The following RIMS1 variants were observed in gnomAD, a reference collection of about 807,000 sequenced individuals.
The protein encoded by RIMS1 is regulating synaptic membrane exocytosis 1.
A neutral mutation model predicts 214.1 loss-of-function variants in RIMS1; 83 were observed. That is an observed-to-expected ratio of 0.39 (90% confidence interval 0.32 to 0.47). The LOEUF is 0.47. RIMS1 is among the 20% of genes least tolerant of loss of function. RIMS1 has a pLI of 0.99. For missense variants in RIMS1, 2,050 were observed against 2,161.8 expected (o/e 0.95, Z 1.03); for synonymous variants, 793 against 786.8 (o/e 1.01, Z -0.13).
At chr6:72,305,214 G>T (rs1563823945) in intron 26 of RIMS1, among the ~76,000 whole-genome samples, 1 of 152,006 alleles carries the variant, frequency 6.6e-6, no homozygotes, top group South Asian at 2.1e-4. Flanking sequence ...TCAGTCCCTA[G>T]ATCTGTGTCA....
chr6:72,335,750 A>G (rs1174444378), intron 29 of RIMS1, among the ~76,000 whole-genome samples: 1 of 151,784 alleles, frequency 6.6e-6, no homozygotes. Context: ...TCCTGACTTT[A>G]TAATGATTGC....
intron 5 of RIMS1, among the ~76,000 whole-genome samples, chr6:72,181,329 A>G (rs945208278): frequency 1.3e-5 from 2 of 152,220 alleles, no homozygotes; most frequent in Non-Finnish European, 2.9e-5. Flanking sequence ...TGGAGAAAGG[A>G]TAGAAAGGAC....
chr6:72,139,984 C>G (rs902828571), intron 4 of RIMS1, among the ~76,000 whole-genome samples: 1 of 152,208 alleles, frequency 6.6e-6, no homozygotes, highest in East Asian at 1.9e-4. Flanking sequence ...AAGTTAATTT[C>G]TTTGTATTTA....
At chr6:72,300,735 C>G (rs1476139605) in intron 26 of RIMS1, among the ~76,000 whole-genome samples, 2 of 151,780 alleles carry the variant, frequency 1.3e-5, no homozygotes, top group Admixed American at 1.3e-4. Context: ...TTTATAAGAG[C>G]CTGACTTTCT....
intron 29 of RIMS1, among the ~76,000 whole-genome samples, chr6:72,390,238 C>T (rs952492606): frequency 6.6e-6 from 1 of 152,160 alleles, no homozygotes; most frequent in African/African-American, 2.4e-5. Flanking sequence ...TAGTGAATTC[C>T]GTATTAGGAG....
intron 24 of RIMS1, among the ~76,000 whole-genome samples, 162 bp from the exon 25 acceptor site, chr6:72,290,517 G>T (rs1207490269): frequency 6.6e-6 from 1 of 152,186 alleles, no homozygotes; most frequent in Non-Finnish European, 1.5e-5. Flanking sequence ...ATAATAACTT[G>T]TCAGTTTGAT....
chr6:71,893,409 G>C (rs1483723089), intron 1 of RIMS1, among the ~76,000 whole-genome samples: 1 of 151,912 alleles, frequency 6.6e-6, no homozygotes, highest in Non-Finnish European at 1.5e-5. Flanking sequence ...AGATCTAAAA[G>C]GCAATCCTAA....
chr6:71,909,498 C>A (rs1278006629), intron 1 of RIMS1, among the ~76,000 whole-genome samples: 2 of 152,110 alleles, frequency 1.3e-5, no homozygotes, highest in African/African-American at 4.8e-5. Context: ...TTCCTTGATT[C>A]TAATCTTGAT....
At chr6:72,192,141 C>G (rs2050172082) in intron 6 of RIMS1, among the ~76,000 whole-genome samples, 1 of 152,226 alleles carries the variant, frequency 6.6e-6, no homozygotes, top group Non-Finnish European at 1.5e-5. Flanking sequence ...CGGGGACCCA[C>G]TGGACCCACT....
At position 72,235,675 on chromosome 6, in the gene RIMS1, C is replaced by T; in HGVS notation, c.1804C>T (p.Leu602Phe). 6.2e-7 allele frequency: 1 copy of T among 1,610,954 alleles called. No individual in the cohort carries two copies. Among genetic ancestry groups the T allele is most frequent in the Non-Finnish European group, 8.5e-7 (1 of 1,178,350 alleles). ...GGACCGATTAATTGGACGTGTTATT[C>T]TTAACAAGAGAACAACCATGCCCAA... ...EGDRLIGRVI[L>F]NKRTTMPKDS... The change falls in exon 8 of 34, where the codon CTT becomes TTT. Residue 602 changes from leucine to phenylalanine, a missense_variant. By Grantham distance (22) the Leu-to-Phe change is conservative. Transcript: ENST00000521978.
chr6:72,256,402 C>G (rs1386299616), intron 16 of RIMS1, among the ~76,000 whole-genome samples: 1 of 152,016 alleles, frequency 6.6e-6, no homozygotes, highest in Non-Finnish European at 1.5e-5. Flanking sequence ...CTTAAAGTCC[C>G]TTCTTAAAAG....
At chr6:72,013,139 T>C (rs1206847339) in intron 2 of RIMS1, among the ~76,000 whole-genome samples, 1 of 152,200 alleles carries the variant, frequency 6.6e-6, no homozygotes, top group African/African-American at 2.4e-5. Context: ...ATTCACATAT[T>C]TGTGTGCCAA....
intron 2 of RIMS1, among the ~76,000 whole-genome samples, chr6:72,042,613 A>C (rs1821762576): frequency 6.6e-6 from 1 of 151,884 alleles, no homozygotes; most frequent in African/African-American, 2.4e-5. Context: ...TTTCCAAATT[A>C]CTAACAGTGC....
chr6:72,198,078 T>C (rs2051290113), intron 6 of RIMS1, among the ~76,000 whole-genome samples: 1 of 152,202 alleles, frequency 6.6e-6, no homozygotes, highest in Admixed American at 6.5e-5. Flanking sequence ...AGAACAACCA[T>C]ATAATCCAGT....
chr6:72,363,693 T>G (rs2097900335), intron 29 of RIMS1, among the ~76,000 whole-genome samples: 1 of 152,232 alleles, frequency 6.6e-6, no homozygotes, highest in Non-Finnish European at 1.5e-5. Context: ...CATTGACTGC[T>G]TTTGTGCTGA....
At chr6:72,393,485 G>C (rs899851181) in intron 31 of RIMS1, among the ~76,000 whole-genome samples, 3 of 152,188 alleles carry the variant, frequency 2.0e-5, no homozygotes, top group African/African-American at 7.2e-5. Context: ...AGCACTTTGG[G>C]AGGCCGAGAC....
chr6:72,290,744 T>C lies in RIMS1; in HGVS notation c.3620T>C (p.Ile1207Thr). Residue 1207 changes from isoleucine (I) to threonine (T), a missense_variant, in exon 25 of 34, where the codon ATT becomes ACT. By Grantham distance (89) the Ile-to-Thr change is moderately conservative (BLOSUM62 -1). Around this residue, in one of 6 missense-constraint regions of RIMS1, gnomAD observed 889 missense variants for 885.5 expected, o/e 1.00. Coordinates refer to ENST00000521978, the MANE Select transcript of RIMS1 (RefSeq NM_014989.7). Reference sequence around the variant, plus strand: ...CCAAGAGCAACTGATCAGCCAGTCATTAGGGGAAAACATCCTGCTCGCTCA... The same window carrying C: ...CCAAGAGCAACTGATCAGCCAGTCACTAGGGGAAAACATCCTGCTCGCTCA... ...AAPRATDQPV[I>T]RGKHPARSRS... The C allele has an allele frequency of 6.2e-7, 1 of 1,613,792 alleles. No homozygotes were observed. Among genetic ancestry groups the C allele is most frequent in the South Asian group, 1.1e-5 (1 of 91,088 alleles).
intron 23 of RIMS1, among the ~76,000 whole-genome samples, chr6:72,281,041 C>T (rs2154212769): frequency 6.6e-6 from 1 of 152,108 alleles, no homozygotes; most frequent in Admixed American, 6.6e-5. Flanking sequence ...TCACCAAAAT[C>T]GCCTGGCTAG....
intron 4 of RIMS1, among the ~76,000 whole-genome samples, chr6:72,123,278 T>A (rs2449418): frequency 2.6e-5 from 4 of 151,776 alleles, no homozygotes; most frequent in East Asian, 1.9e-4. Context: ...GTAGTTGAGC[T>A]GTTTTGAGTG....
Sources: gnomAD v4.1 joint callset for allele counts (sites outside exome capture counted in the v4.1 genomes callset) on GRCh38, gnomAD v4.1.1 for gene constraint, gnomAD v4.1.1 regional missense constraint, MANE v1.5 for transcripts, NCBI Gene and HGNC (gene_info 2026-07-23, HGNC 2026-07-21) for gene names.